The following PHOSPHO1 variants were observed in gnomAD, a reference collection of about 807,000 sequenced individuals.
The protein encoded by PHOSPHO1 is phosphoethanolamine/phosphocholine phosphatase.
In PHOSPHO1, 6 loss-of-function variants were observed where a neutral mutation model predicts 17.7. The observed-to-expected ratio is 0.34, with a 90% CI of 0.19 to 0.67. The LOEUF is 0.67. Ranked by LOEUF, PHOSPHO1 falls within the 30% of genes least tolerant of loss-of-function variation. The pLI is 0.69. For synonymous variants in PHOSPHO1, 159 were observed against 174.6 expected, an observed-to-expected ratio of 0.91 and a Z score of 0.71; for missense variants, 330 against 392.1, an observed-to-expected ratio of 0.84 and a Z score of 1.34.
At chr17:49,226,569 C>G in intron 2 of PHOSPHO1, 78 bp downstream of exon 2, 1 of 1,482,902 alleles carries the variant, frequency 6.7e-7, no homozygotes, top group Non-Finnish European at 9.4e-7. Context: ...AGGGCCTCTC[C>G]CAAGGCCCTA....
At chr17:49,228,246 CTCCT>C (rs59056166) in intron 1 of PHOSPHO1, among the ~76,000 whole-genome samples, 8,843 of 134,592 alleles carry the variant, frequency 0.066, 341 homozygotes, top group Middle Eastern at 0.086. Context: ...TCCTGTCTCT[CTCCT>C]TCCTTCCTTC....
chr17:49,225,640 A>T (rs1300034480), intron 2 of PHOSPHO1: 1 of 1,291,520 alleles, frequency 7.7e-7, no homozygotes, highest in East Asian at 5.5e-5. Flanking sequence ...CTGACAGCTC[A>T]TCACTAATCA....
chr17:49,230,481 C>A lies in PHOSPHO1; in HGVS notation c.-81G>T. On this transcript the variant is annotated 5_prime_UTR_variant, in exon 1 of 3. Coordinates refer to ENST00000310544, the MANE Select transcript of PHOSPHO1 (RefSeq NM_178500.4). ...CCCAGGACTCACGTGGGGGCGGCGG[C>A]AGCAGAGGTCTGTCCCGGCTGAGTT... 6.5e-6 allele frequency: 1 copy of A among 152,850 alleles called. No homozygotes were observed. Among genetic ancestry groups the A allele is most frequent in the Non-Finnish European group, 1.5e-5 (1 of 68,498 alleles). 9.5% of individuals were successfully genotyped at this position (152,850 alleles called of 1,614,324 possible).
At position 49,224,565 on chromosome 17, in the gene PHOSPHO1, G is replaced by A. The variant is rs754244254; in HGVS notation, c.485C>T (p.Pro162Leu). The change falls in exon 3 of 3, where the codon CCG (proline) becomes CTG (leucine). Residue 162 changes from proline to leucine, a missense_variant. Physicochemically the swap from Pro to Leu is moderately conservative, Grantham distance 98 (BLOSUM62 -3). Coordinates refer to ENST00000310544, the MANE Select transcript of PHOSPHO1 (RefSeq NM_178500.4). ...PDARGLLALR[P>L]FHTHSCARCP... ...GCGCGCGCAGCTGTGTGTGTGGAAC[G>A]GCCGCAGAGCCAGCAGTCCCCGCGC... 1.9e-6 allele frequency: 3 copies of A among 1,564,708 alleles called. No individual in the cohort carries two copies. Among genetic ancestry groups the A allele is most frequent in the Non-Finnish European group, 2.6e-6 (3 of 1,160,592 alleles).
At chr17:49,226,588 T>C (rs1364219280) in intron 2 of PHOSPHO1, 59 bp downstream of exon 2, 15 of 1,575,528 alleles carry the variant, frequency 9.5e-6, no homozygotes, top group Admixed American at 1.7e-5. Flanking sequence ...TATGGAAAGG[T>C]GATGGGAAAC....
At chr17:49,228,682 C>T (rs1158735354) in intron 1 of PHOSPHO1, among the ~76,000 whole-genome samples, 4 of 149,262 alleles carry the variant, frequency 2.7e-5, no homozygotes, top group African/African-American at 5.0e-5. Context: ...CCCAGCTACT[C>T]GGGAGGCTGA....
Position 49,225,015 on chromosome 17 carries a change from G to A in PHOSPHO1, c.46-11C>T, listed in dbSNP as rs201377268. On this transcript the variant is annotated splice_polypyrimidine_tract_variant and intron_variant, in intron 2 of 2. Coordinates refer to ENST00000310544, the MANE Select transcript of PHOSPHO1 (RefSeq NM_178500.4). ...GGCCATCCTGCCGTCCTGGGAGCAG[G>A]GGGGAGAGCAGCAGGAGGAGGAGGA... 54 of 1,497,532 alleles carry A rather than the reference G, an allele frequency of 3.6e-5. 1 individual carries two copies. The highest frequency in any genetic ancestry group is 2.2e-4 in the African/African-American group (16 of 72,090). 92.8% of individuals were successfully genotyped at this position (1,497,532 alleles called of 1,614,324 possible). A position where few individuals can be genotyped will look rare whatever the true frequency, so the allele number is the denominator to read the frequency against.
At chr17:49,225,432 G>T (rs2043344664) in intron 2 of PHOSPHO1, 2 of 985,102 alleles carry the variant, frequency 2.0e-6, no homozygotes, top group African/African-American at 3.5e-5. Flanking sequence ...AGGGTGGTGG[G>T]AACTCTCCCC....
At chr17:49,227,117 C>CA (rs2043365025) in intron 1 of PHOSPHO1, among the ~76,000 whole-genome samples, 1 of 152,240 alleles carries the variant, frequency 6.6e-6, no homozygotes, top group African/African-American at 2.4e-5. Context: ...TCTCACTACT[C>CA]ATCAGTCATG....
At position 49,223,983 on chromosome 17, in the gene PHOSPHO1, T is replaced by C; in HGVS notation, c.*263A>G. 2.4e-6 allele frequency: 1 copy of C among 421,896 alleles called. No homozygotes were observed. Among genetic ancestry groups the C allele is most frequent in the East Asian group, 3.7e-5 (1 of 27,068 alleles). 26.1% of individuals were successfully genotyped at this position (421,896 alleles called of 1,614,324 possible). ...AGGAAATACTGCTGCCTTCCAAGGTTTGCGCGCCACCCCGCGATGGGTCAG... is the reference window on the plus strand; with the variant it reads ...AGGAAATACTGCTGCCTTCCAAGGTCTGCGCGCCACCCCGCGATGGGTCAG... On this transcript the variant is annotated 3_prime_UTR_variant, in exon 3 of 3. Transcript: ENST00000310544.
chr17:49,228,069 G>A (rs894955435), intron 1 of PHOSPHO1, among the ~76,000 whole-genome samples: 1 of 152,058 alleles, frequency 6.6e-6, no homozygotes, highest in Non-Finnish European at 1.5e-5. Flanking sequence ...TCAGCCAGGC[G>A]ATTTATAAGA....
intron 2 of PHOSPHO1, chr17:49,225,494 A>G (rs935753109): frequency 1.0e-6 from 1 of 985,164 alleles, no homozygotes; most frequent in African/African-American, 1.7e-5. Context: ...CATCCACCCA[A>G]CTGGACCAGT....
At position 49,225,080 on chromosome 17, in the gene PHOSPHO1, C is replaced by G. The variant is rs1406100480; in HGVS notation, c.46-76G>C. The G allele has an allele frequency of 2.8e-6, 4 of 1,444,336 alleles. No homozygotes were observed. In the South Asian group the frequency reaches 4.4e-5, roughly 16 times the overall value. The allele number at this position is 1,444,336 out of a possible 1,614,324, so 89.5% of individuals were successfully genotyped here. A position where few individuals can be genotyped will look rare whatever the true frequency, so the allele number is the denominator to read the frequency against. Reference sequence around the variant, plus strand: ...AGAGGGGGCGCGGCAGGAGCCCGCCCGGGAGAGGCTGGTTAGCGGGCCACG... The same window carrying G: ...AGAGGGGGCGCGGCAGGAGCCCGCCGGGGAGAGGCTGGTTAGCGGGCCACG... On this transcript the variant is annotated intron_variant, in intron 2 of 2. Coordinates refer to ENST00000310544, the MANE Select transcript of PHOSPHO1 (RefSeq NM_178500.4).
At chr17:49,226,626 C>A (rs201237679) in intron 2 of PHOSPHO1, 21 bp downstream of exon 2, 1 of 1,613,712 alleles carries the variant, frequency 6.2e-7, no homozygotes, top group Non-Finnish European at 8.5e-7. Flanking sequence ...TCCTAGGAGA[C>A]CCCTGGAGGG....
At position 49,224,304 on chromosome 17, in the gene PHOSPHO1, G is replaced by C; in HGVS notation, c.746C>G (p.Pro249Arg). The C allele has an allele frequency of 6.3e-7, 1 of 1,597,552 alleles. No individual in the cohort carries two copies. The highest frequency in any genetic ancestry group is 8.5e-7 in the Non-Finnish European group (1 of 1,175,868). The change falls in exon 3 of 3, where the codon CCC becomes CGC. Residue 249 changes from proline (P) to arginine (R), a missense_variant. Physicochemically the swap from Pro to Arg is moderately radical, Grantham distance 103. Coordinates refer to ENST00000310544, the MANE Select transcript of PHOSPHO1 (RefSeq NM_178500.4). The stretch of plus-strand genomic sequence containing the variant: ...GCGCACATCTGCAGCCGTTTCCCAG[G>C]GCACCACGCTGGCGCGGAACGAGCT... ...EPSSFRASVV[P>R]WETAADVRLH...
intron 1 of PHOSPHO1, among the ~76,000 whole-genome samples, chr17:49,227,005 C>G (rs1163172322): frequency 1.3e-5 from 2 of 152,188 alleles, no homozygotes; most frequent in Non-Finnish European, 2.9e-5. Flanking sequence ...AGATCTCAAA[C>G]CCACATCTGA....
At position 49,224,132 on chromosome 17, in the gene PHOSPHO1, A is replaced by G; in HGVS notation, c.*114T>C. On this transcript the variant is annotated 3_prime_UTR_variant, in exon 3 of 3. Transcript: ENST00000310544. ...CAAATACGAGATTCCAGAAATTCCC[A>G]GAGGGACATAACAAAGCCAAAGGGA... 1 of 1,372,302 alleles carries G rather than the reference A, an allele frequency of 7.3e-7. No homozygotes were observed. The highest frequency in any genetic ancestry group is 9.6e-7 in the Non-Finnish European group (1 of 1,045,430). The allele number at this position is 1,372,302 out of a possible 1,614,324, so 85.0% of individuals were successfully genotyped here. A position where few individuals can be genotyped will look rare whatever the true frequency, so the allele number is the denominator to read the frequency against.
chr17:49,225,182 A>C, intron 2 of PHOSPHO1, 178 bp from the exon 3 acceptor site: 2 of 1,428,422 alleles, frequency 1.4e-6, no homozygotes, highest in Non-Finnish European at 1.8e-6. Flanking sequence ...CAATGCCACC[A>C]CCTCTATCCC....
In PHOSPHO1 at chr17:49,225,471, G is replaced by A. The variant is rs549822018; in HGVS notation, c.46-467C>T. 2.1e-5 allele frequency: 21 copies of A among 985,364 alleles called. No individual in the cohort carries two copies. The South Asian group carries it at 7.5e-4, about 35-fold the overall frequency. The allele number at this position is 985,364 out of a possible 1,614,324, so 61.0% of individuals were successfully genotyped here. On this transcript the variant is annotated intron_variant, in intron 2 of 2. Transcript: ENST00000310544. Reference sequence around the variant, plus strand: ...CTCATTCCCTGAGGTAGAGTCAAGGGAAACCAACCACCCATCCACCCAACT... The same window carrying A: ...CTCATTCCCTGAGGTAGAGTCAAGGAAAACCAACCACCCATCCACCCAACT...
Sources: gnomAD v4.1 joint callset for allele counts (sites outside exome capture counted in the v4.1 genomes callset) on GRCh38, gnomAD v4.1.1 for gene constraint, MANE v1.5 for transcripts, NCBI Gene and HGNC (gene_info 2026-07-23, HGNC 2026-07-21) for gene names.